Variants in EYS observed in about 807,000 individuals in gnomAD.
EYS encodes protein eyes shut homolog.
Under a neutral mutation model 282.1 loss-of-function variants are expected in EYS, and 250 were observed. That is an observed-to-expected ratio of 0.89 (90% CI 0.80 to 0.98). The LOEUF (loss-of-function observed/expected upper bound fraction) is 0.98. Ranked by LOEUF, EYS falls within the 50% of genes least tolerant of loss-of-function variation. The pLI is 0.00. For synonymous variants in EYS, 1,355 were observed against 1,282.9 expected, an observed-to-expected ratio of 1.06 and a Z score of -1.20; for missense variants, 4,016 against 3,709.0, an observed-to-expected ratio of 1.08 and a Z score of -2.15.
At chr6:65,409,659 C>A (rs1766897738) in intron 5 of EYS, among the ~76,000 whole-genome samples, 1 of 152,082 alleles carries the variant, frequency 6.6e-6, no homozygotes, top group African/African-American at 2.4e-5. Context: ...ATCCAAATCA[C>A]TATATAGTGC....
chr6:65,289,862 A>G (rs1312712879), intron 12 of EYS, among the ~76,000 whole-genome samples: 1 of 151,176 alleles, frequency 6.6e-6, no homozygotes, highest in Non-Finnish European at 1.5e-5. Context: ...AAAAATTAAG[A>G]GCAAAAATAT....
intron 35 of EYS, among the ~76,000 whole-genome samples, chr6:63,977,139 T>C (rs1766874410): frequency 6.6e-6 from 1 of 151,758 alleles, no homozygotes; most frequent in Non-Finnish European, 1.5e-5. Flanking sequence ...ACTGTACATA[T>C]GCAGTAATCT....
chr6:65,687,089 A>T (rs189250099), intron 1 of EYS, among the ~76,000 whole-genome samples: 23 of 152,212 alleles, frequency 1.5e-4, no homozygotes, highest in Admixed American at 1.3e-3. Flanking sequence ...GTGATAAAGG[A>T]TGCATTAGCC....
intron 26 of EYS, among the ~76,000 whole-genome samples, chr6:64,547,452 C>T (rs753088568): frequency 3.3e-5 from 5 of 152,076 alleles, no homozygotes; most frequent in South Asian, 4.1e-4. Context: ...AGAGTGTTGA[C>T]GCAAAGGTTC....
intron 2 of EYS, among the ~76,000 whole-genome samples, chr6:65,511,678 C>T (rs573149041): frequency 2.6e-5 from 4 of 152,122 alleles, no homozygotes; most frequent in African/African-American, 4.8e-5. Flanking sequence ...TCAGGACAGG[C>T]GAGGTGACTC....
At position 64,437,747 on chromosome 6, in the gene EYS, CT is replaced by C. The variant is rs35427540; in HGVS notation, c.5835+1414del. On this transcript the variant is annotated intron_variant, in intron 27 of 42. Coordinates refer to ENST00000503581, the MANE Select transcript of EYS (RefSeq NM_001142800.2). ...GGCTATGAAGGCTAGCTTTTTTTTC[CT>C]TTTTTTTTTGGCTCTATCTCCCAGG... Among the ~76,000 whole-genome samples the C allele has an allele frequency of 6.6e-4, 96 of 145,676 alleles. 1 individual carries two copies. The highest frequency in any genetic ancestry group is 1.7e-3 in the African/African-American group (69 of 39,932).
chr6:64,020,454 C>A (rs894226657), intron 33 of EYS, among the ~76,000 whole-genome samples: 1 of 152,038 alleles, frequency 6.6e-6, no homozygotes, highest in Non-Finnish European at 1.5e-5. Context: ...AACCAAGTCA[C>A]GAAAACATTG....
At chr6:63,787,728 G>A (rs566104634) in intron 39 of EYS, among the ~76,000 whole-genome samples, 66 of 152,218 alleles carry the variant, frequency 4.3e-4, no homozygotes, top group Non-Finnish European at 8.2e-4. Context: ...GATCACCTGA[G>A]GTCGGGAGTT....
chr6:63,814,699 A>G (rs1214668227), intron 36 of EYS, among the ~76,000 whole-genome samples: 3 of 152,198 alleles, frequency 2.0e-5, no homozygotes, highest in African/African-American at 7.2e-5. Context: ...CAAAGTAACT[A>G]GGTACTGGTA....
intron 22 of EYS, among the ~76,000 whole-genome samples, chr6:64,766,222 T>C (rs911233851): frequency 1.3e-5 from 2 of 151,686 alleles, no homozygotes; most frequent in East Asian, 4.0e-4. Flanking sequence ...GCCACTGCAC[T>C]GGCCCCTCCC....
In EYS at chr6:65,042,502, T is replaced by A. The variant is rs981433669; in HGVS notation, c.2137+15112A>T. On this transcript the variant is annotated intron_variant, in intron 13 of 42. Transcript: ENST00000503581. ...TTTCATTGATATAGCCATCCCTTTT[T>A]AAATTTTTTTTTACTTGTTGCTCTT... 1.5e-3 allele frequency among the ~76,000 whole-genome samples: 227 copies of A among 151,644 alleles called. 2 individuals carry two copies. The highest frequency in any genetic ancestry group is 5.1e-3 in the African/African-American group (213 of 41,492).
chr6:65,668,460 C>T (rs1328577852), intron 1 of EYS, among the ~76,000 whole-genome samples: 1 of 151,792 alleles, frequency 6.6e-6, no homozygotes, highest in African/African-American at 2.4e-5. Flanking sequence ...GAATCACAGC[C>T]ACACCTATTT....
intron 22 of EYS, among the ~76,000 whole-genome samples, chr6:64,708,933 C>T (rs768165196): frequency 1.2e-4 from 19 of 152,114 alleles, no homozygotes; most frequent in Non-Finnish European, 2.2e-4. Flanking sequence ...AAATAGCAGA[C>T]CATTCCCAGT....
At chr6:64,919,036 A>G (rs1471729632) in intron 15 of EYS, among the ~76,000 whole-genome samples, 2 of 152,242 alleles carry the variant, frequency 1.3e-5, no homozygotes, top group African/African-American at 2.4e-5. Context: ...GCAGTATTTT[A>G]TAGAATCTTA....
intron 26 of EYS, among the ~76,000 whole-genome samples, chr6:64,572,321 A>C (rs540796559): frequency 6.6e-6 from 1 of 152,342 alleles, no homozygotes; most frequent in African/African-American, 2.4e-5. Flanking sequence ...CCAATATCAT[A>C]GTGAATGGGC....
intron 22 of EYS, among the ~76,000 whole-genome samples, chr6:64,645,104 C>T (rs10806472): frequency 0.6 from 91,017 of 152,004 alleles, 27,424 homozygotes; most frequent in South Asian, 0.66. Flanking sequence ...CTTTGGAAAA[C>T]TAAATACTGT....
chr6:64,058,856 C>T (rs1004326759), intron 33 of EYS, among the ~76,000 whole-genome samples: 1 of 152,302 alleles, frequency 6.6e-6, no homozygotes, highest in South Asian at 2.1e-4. Context: ...ATAATTTAAA[C>T]TTCCTCAATA....
chr6:64,852,647 T>C (rs116324564), intron 19 of EYS, among the ~76,000 whole-genome samples: 1,814 of 152,242 alleles, frequency 0.012, 36 homozygotes, highest in African/African-American at 0.041. Flanking sequence ...TGAAATAAGA[T>C]CACTCATAAG....
intron 36 of EYS, among the ~76,000 whole-genome samples, chr6:63,848,395 A>T (rs1581889865): frequency 6.6e-6 from 1 of 152,186 alleles, no homozygotes; most frequent in South Asian, 2.1e-4. Context: ...GATTGGCAAG[A>T]TGGCCAAATA....
Sources: gnomAD v4.1 joint callset for allele counts (sites outside exome capture counted in the v4.1 genomes callset) on GRCh38, gnomAD v4.1.1 for gene constraint, MANE v1.5 for transcripts, NCBI Gene and HGNC (gene_info 2026-07-23, HGNC 2026-07-21) for gene names.